TSNARE1: variants seen among roughly 807,000 people sequenced by gnomAD.
TSNARE1 encodes t-SNARE domain containing 1.
In TSNARE1, 49 loss-of-function variants were observed where a neutral mutation model predicts 62.0. The ratio of observed to expected loss-of-function variants is 0.79; its 90% CI spans 0.63 to 1.00. The LOEUF (loss-of-function observed/expected upper bound fraction) is 1.00. Ranked by LOEUF, TSNARE1 falls within the 50% of genes least tolerant of loss-of-function variation. The pLI is 0.00. For missense variants in TSNARE1, 755 were observed against 700.1 expected (o/e 1.08, Z -0.88); for synonymous variants, 328 against 294.4 (o/e 1.11, Z -1.17).
intron 12 of TSNARE1, chr8:142,274,502 C>T (rs1304697296): frequency 1.0e-5 from 10 of 985,352 alleles, no homozygotes; most frequent in South Asian, 4.7e-5. Context: ...GCCCTCCCCT[C>T]GGCTGCACCC....
chr8:142,382,261 C>A (rs1313385402), intron 1 of TSNARE1, among the ~76,000 whole-genome samples: 1 of 152,138 alleles, frequency 6.6e-6, no homozygotes, highest in Non-Finnish European at 1.5e-5. Flanking sequence ...AGCAGAATGC[C>A]AGCCGGGCAC....
chr8:142,323,321 G>C (rs560286827), intron 6 of TSNARE1, among the ~76,000 whole-genome samples: 3 of 152,340 alleles, frequency 2.0e-5, no homozygotes, highest in African/African-American at 7.2e-5. Context: ...GGCAGCACGG[G>C]GGGCAGCACC....
intron 12 of TSNARE1, among the ~76,000 whole-genome samples, chr8:142,256,342 AT>A (rs1458288334): frequency 2.8e-4 from 40 of 141,884 alleles, no homozygotes; most frequent in South Asian, 4.7e-4. Flanking sequence ...TGCCACCATC[AT>A]CATCACCATC....
intron 1 of TSNARE1, among the ~76,000 whole-genome samples, chr8:142,364,428 A>G (rs1204903768): frequency 6.6e-6 from 1 of 152,226 alleles, no homozygotes; most frequent in Non-Finnish European, 1.5e-5. Flanking sequence ...TCATTTACAT[A>G]GCTGAGTGTG....
chr8:142,380,394 C>T (rs957739404), intron 1 of TSNARE1, among the ~76,000 whole-genome samples: 2 of 152,190 alleles, frequency 1.3e-5, no homozygotes, highest in African/African-American at 2.4e-5. Context: ...TCACCTGGGG[C>T]TCTGTGGGCC....
chr8:142,331,077 G>A lies in TSNARE1; in HGVS notation c.824-107C>T, dbSNP rs1374479917. ...GCCCGGGCAGGGTGAGCAGAGCCCA[G>A]GGACCAGTGCTTGAGCCAGGGCAGA... On this transcript the variant is annotated intron_variant, in intron 5 of 13. Coordinates refer to ENST00000524325, the MANE Select transcript of TSNARE1 (RefSeq NM_145003.5). 14 of 985,298 alleles carry A rather than the reference G, an allele frequency of 1.4e-5. No homozygotes were observed. The South Asian group carries it at 1.8e-4, about 13-fold the overall frequency. The allele number at this position is 985,298 out of a possible 1,614,324, so 61.0% of individuals were successfully genotyped here. A position where few individuals can be genotyped will look rare whatever the true frequency, so the allele number is the denominator to read the frequency against.
chr8:142,314,637 G>A (rs1220280725), intron 8 of TSNARE1, among the ~76,000 whole-genome samples, 197 bp from the exon 9 acceptor site: 2 of 151,980 alleles, frequency 1.3e-5, no homozygotes, highest in Non-Finnish European at 1.5e-5. Flanking sequence ...GCCACTCCCA[G>A]AAGAGGCTGC....
At chr8:142,298,881 C>T (rs1361797646) in intron 10 of TSNARE1, among the ~76,000 whole-genome samples, 1 of 152,192 alleles carries the variant, frequency 6.6e-6, no homozygotes, top group African/African-American at 2.4e-5. Context: ...TCACGAGCAC[C>T]CGTTTCTCCA....
intron 1 of TSNARE1, among the ~76,000 whole-genome samples, chr8:142,400,071 G>A (rs1371088017): frequency 6.6e-6 from 1 of 152,020 alleles, no homozygotes; most frequent in Non-Finnish European, 1.5e-5. Flanking sequence ...TGGGCACGGT[G>A]GCTCACACCT....
chr8:142,383,488 C>T (rs1836911499), intron 1 of TSNARE1, among the ~76,000 whole-genome samples: 1 of 152,190 alleles, frequency 6.6e-6, no homozygotes, highest in African/African-American at 2.4e-5. Context: ...TGGCCAGGCG[C>T]TGTCCGTGGT....
In TSNARE1 at chr8:142,259,159, G is replaced by A. The variant is rs1306917737; in HGVS notation, c.1446+15622C>T. Among the ~76,000 whole-genome samples, 5 of 152,256 alleles carry A rather than the reference G, an allele frequency of 3.3e-5. No homozygotes were observed. In the East Asian group the frequency reaches 9.6e-4, roughly 29 times the overall value. On this transcript the variant is annotated intron_variant, in intron 12 of 13. Transcript: ENST00000524325. The stretch of plus-strand genomic sequence containing the variant: ...CAGGTGAGGTGAGGAGGATGGGCAC[G>A]TTGTCTGAGGACGGGGCCGAGGGGC...
intron 1 of TSNARE1, among the ~76,000 whole-genome samples, chr8:142,376,018 G>A (rs984315599): frequency 2.0e-5 from 3 of 152,182 alleles, no homozygotes; most frequent in Admixed American, 6.5e-5. Flanking sequence ...TTCACAAGTC[G>A]GACCAGCCGC....
chr8:142,321,594 T>C (rs1230093463), intron 6 of TSNARE1, among the ~76,000 whole-genome samples: 2 of 152,118 alleles, frequency 1.3e-5, no homozygotes, highest in Non-Finnish European at 2.9e-5. Context: ...AAAACCACAC[T>C]TGCAAATTAC....
chr8:142,250,590 A>T (rs920745192), intron 12 of TSNARE1, among the ~76,000 whole-genome samples: 1 of 152,158 alleles, frequency 6.6e-6, no homozygotes, highest in African/African-American at 2.4e-5. Flanking sequence ...GAGCGTTCTC[A>T]TCTGTCTTGT....
chr8:142,392,354 CTAAAA>C (rs201372956), intron 1 of TSNARE1, among the ~76,000 whole-genome samples: 1,784 of 152,176 alleles, frequency 0.012, 24 homozygotes, highest in Non-Finnish European at 0.018. Flanking sequence ...GGAGTACACT[CTAAAA>C]TAACGATAAA....
At chr8:142,222,114 CCACT>C (rs1211970248) in intron 13 of TSNARE1, among the ~76,000 whole-genome samples, 2 of 121,282 alleles carry the variant, frequency 1.6e-5, no homozygotes, top group African/African-American at 3.2e-5. Context: ...ACTCACTCAT[CCACT>C]CATTCACTCA....
intron 12 of TSNARE1, among the ~76,000 whole-genome samples, chr8:142,242,483 C>A (rs1386277393): frequency 6.6e-6 from 1 of 152,204 alleles, no homozygotes; most frequent in Non-Finnish European, 1.5e-5. Context: ...AGATGACCTG[C>A]AGAATGGGAG....
chr8:142,284,377 G>T, intron 11 of TSNARE1, 36 bp downstream of exon 11: 1 of 1,577,618 alleles, frequency 6.3e-7, no homozygotes, highest in Non-Finnish European at 8.7e-7. Flanking sequence ...AGGCCCTCGG[G>T]GCAGCAGGTG....
At chr8:142,344,689 G>A (rs1354477933) in intron 3 of TSNARE1, among the ~76,000 whole-genome samples, 2 of 152,232 alleles carry the variant, frequency 1.3e-5, no homozygotes, top group East Asian at 3.9e-4. Context: ...CAAGCACGTA[G>A]CTTCTGGGTC....
Sources: allele counts gnomAD v4.1 joint callset (sites outside exome capture counted in the v4.1 genomes callset), GRCh38; gene constraint gnomAD v4.1.1; transcripts MANE v1.5; gene names NCBI Gene and HGNC (gene_info 2026-07-23, HGNC 2026-07-21).